IGF1R: variants seen among roughly 807,000 people sequenced by gnomAD.
The protein encoded by IGF1R is insulin-like growth factor 1 receptor.
Under a neutral mutation model 144.6 loss-of-function variants are expected in IGF1R, and 44 were observed. That is an observed-to-expected ratio of 0.30 (90% CI 0.24 to 0.39). The LOEUF is 0.39. Among genes scored for constraint, IGF1R ranks in the 10% least tolerant of loss-of-function variants. The probability of loss-of-function intolerance (pLI) is 1.00; values close to 1 mark genes in which losing one functional copy is unlikely to be tolerated. For synonymous variants in IGF1R, 795 were observed against 722.8 expected (o/e 1.10, Z -1.60); for missense variants, 1,355 against 1,833.7 (o/e 0.74, Z 4.77).
intron 10 of IGF1R, among the ~76,000 whole-genome samples, chr15:98,920,794 C>T (rs2015452049): frequency 6.6e-6 from 1 of 152,130 alleles, no homozygotes; most frequent in Non-Finnish European, 1.5e-5. Context: ...CCCCGTGTGC[C>T]ACTACACAAA....
chr15:98,871,085 C>T (rs1053491667), intron 2 of IGF1R, among the ~76,000 whole-genome samples: 2 of 152,200 alleles, frequency 1.3e-5, no homozygotes, highest in African/African-American at 2.4e-5. Flanking sequence ...AAACAGCCTG[C>T]GTATGTTCTT....
intron 2 of IGF1R, among the ~76,000 whole-genome samples, chr15:98,724,614 A>G (rs1219488751): frequency 6.6e-6 from 1 of 152,214 alleles, no homozygotes; most frequent in Non-Finnish European, 1.5e-5. Context: ...GCTTGACTGC[A>G]GTGGGTCTCC....
intron 2 of IGF1R, among the ~76,000 whole-genome samples, chr15:98,831,052 T>TG (rs1236168302): frequency 7.2e-5 from 11 of 152,286 alleles, no homozygotes; most frequent in African/African-American, 2.6e-4. Context: ...CTCTTTACTG[T>TG]GGGGAGGGCA....
At chr15:98,767,112 T>G (rs1235898523) in intron 2 of IGF1R, among the ~76,000 whole-genome samples, 4 of 152,234 alleles carry the variant, frequency 2.6e-5, no homozygotes, top group African/African-American at 9.6e-5. Context: ...TTCATTTATT[T>G]TTTTCCATCT....
chr15:98,725,922 A>G (rs977087225), intron 2 of IGF1R, among the ~76,000 whole-genome samples: 4 of 152,200 alleles, frequency 2.6e-5, no homozygotes, highest in African/African-American at 9.6e-5. Context: ...TAGCACGGGA[A>G]AGACCAGCCC....
intron 2 of IGF1R, among the ~76,000 whole-genome samples, chr15:98,848,622 C>G (rs1404900487): frequency 4.6e-5 from 7 of 152,218 alleles, no homozygotes; most frequent in African/African-American, 1.4e-4. Context: ...ATGCCCCACA[C>G]CATTTGACTT....
intron 1 of IGF1R, among the ~76,000 whole-genome samples, chr15:98,696,475 A>G (rs552944704): frequency 6.6e-6 from 1 of 152,320 alleles, no homozygotes; most frequent in African/African-American, 2.4e-5. Flanking sequence ...GATCTTAGCA[A>G]GGCATTGTAG....
chr15:98,668,285 G>A (rs1171195972), intron 1 of IGF1R, among the ~76,000 whole-genome samples: 1 of 152,122 alleles, frequency 6.6e-6, no homozygotes, highest in African/African-American at 2.4e-5. Context: ...TGGGGGTTGG[G>A]GCTTCAGTAT....
At chr15:98,737,313 G>A (rs1280720450) in intron 2 of IGF1R, among the ~76,000 whole-genome samples, 3 of 152,166 alleles carry the variant, frequency 2.0e-5, no homozygotes, top group African/African-American at 4.8e-5. Flanking sequence ...GAAGTGTTTG[G>A]CTGGTGACAT....
intron 18 of IGF1R, among the ~76,000 whole-genome samples, chr15:98,941,513 T>C (rs1267947166): frequency 1.3e-5 from 2 of 152,354 alleles, no homozygotes; most frequent in African/African-American, 4.8e-5. Context: ...GAAGGTCGTT[T>C]GTGTTTTTTA....
chr15:98,776,294 C>T (rs1459203797), intron 2 of IGF1R, among the ~76,000 whole-genome samples: 1 of 151,810 alleles, frequency 6.6e-6, no homozygotes, highest in African/African-American at 2.4e-5. Flanking sequence ...CAGCAATTCT[C>T]CTGCCTCGGC....
chr15:98,809,135 C>CT (rs1281104350), intron 2 of IGF1R, among the ~76,000 whole-genome samples: 11 of 152,328 alleles, frequency 7.2e-5, no homozygotes, highest in African/African-American at 2.2e-4. Context: ...TTCCAGGACT[C>CT]TGTCTGAGGC....
chr15:98,797,589 C>T (rs144350450), intron 2 of IGF1R, among the ~76,000 whole-genome samples: 62 of 152,204 alleles, frequency 4.1e-4, no homozygotes, highest in Non-Finnish European at 7.3e-4. Flanking sequence ...ATTCCATGCA[C>T]ATGCACCTGC....
intron 20 of IGF1R, among the ~76,000 whole-genome samples, chr15:98,949,142 T>G (rs1163192729): frequency 1.3e-5 from 2 of 152,136 alleles, no homozygotes; most frequent in Non-Finnish European, 2.9e-5. Context: ...CCGCAGTGAG[T>G]GTGCACACAG....
chr15:98,804,567 G>A (rs1482577640), intron 2 of IGF1R, among the ~76,000 whole-genome samples: 4 of 152,176 alleles, frequency 2.6e-5, no homozygotes, highest in Non-Finnish European at 5.9e-5. Context: ...GCTATGGGAG[G>A]AAGAGAGCAG....
At position 98,959,854 on chromosome 15, in the gene IGF1R, T is replaced by A. The variant is rs1434149464; in HGVS notation, c.*2412T>A. 19 of 217,850 alleles carry A rather than the reference T, an allele frequency of 8.7e-5. No individual in the cohort carries two copies. The highest frequency in any genetic ancestry group is 1.9e-4 in the South Asian group (1 of 5,256). The allele number at this position is 217,850 out of a possible 1,614,324, so 13.5% of individuals were successfully genotyped here. Reference sequence around the variant, plus strand: ...TCTCTATCCCATAGCGTGTTCCCTTTAAAAAAAAAAAAAAGGTATTATATG... The same window carrying A: ...TCTCTATCCCATAGCGTGTTCCCTTAAAAAAAAAAAAAAAGGTATTATATG... On this transcript the variant is annotated 3_prime_UTR_variant, in exon 21 of 21. Transcript: ENST00000650285.
In IGF1R at chr15:98,962,179, T is replaced by G. The variant is rs912004557; in HGVS notation, c.*4737T>G. The stretch of plus-strand genomic sequence containing the variant: ...TTGTCTAGTGTTCTTAGCTGTCACG[T>G]TGGCTCCTTCCAGGGTGGCCAGACG... On this transcript the variant is annotated 3_prime_UTR_variant, in exon 21 of 21. Transcript: ENST00000650285. 2 of 233,236 alleles carry G rather than the reference T, an allele frequency of 8.6e-6. No homozygotes were observed. Among genetic ancestry groups the G allele is most frequent in the East Asian group, 1.2e-4 (2 of 16,606 alleles). 14.4% of individuals were successfully genotyped at this position (233,236 alleles called of 1,614,324 possible). A position where few individuals can be genotyped will look rare whatever the true frequency, so the allele number is the denominator to read the frequency against.
intron 13 of IGF1R, among the ~76,000 whole-genome samples, chr15:98,925,087 A>AT (rs1456310638): frequency 1.3e-5 from 2 of 151,886 alleles, no homozygotes; most frequent in Non-Finnish European, 2.9e-5. Context: ...TAGGGCTCGG[A>AT]TTCAGGGCTT....
At chr15:98,934,740 A>T in intron 15 of IGF1R, 84 bp from the exon 16 acceptor site, 1 of 1,134,858 alleles carries the variant, frequency 8.8e-7, no homozygotes, top group Non-Finnish European at 1.3e-6. Context: ...AGCATCTTAT[A>T]TTCTTTGGCT....
Sources: allele counts gnomAD v4.1 joint callset (sites outside exome capture counted in the v4.1 genomes callset), GRCh38; gene constraint gnomAD v4.1.1; transcripts MANE v1.5; gene names NCBI Gene and HGNC (gene_info 2026-07-23, HGNC 2026-07-21).